Variants in IL1RAPL2 observed in about 807,000 individuals in gnomAD.
IL1RAPL2 encodes the protein X-linked interleukin-1 receptor accessory protein-like 2.
A neutral mutation model predicts 44.1 loss-of-function variants in IL1RAPL2; 3 were observed. The ratio of observed to expected loss-of-function variants is 0.07; its 90% confidence interval spans 0.03 to 0.18. The LOEUF is 0.18. IL1RAPL2 is among the 10% of genes least tolerant of loss of function. IL1RAPL2 has a pLI of 1.00. For missense variants in IL1RAPL2, 391 were observed against 496.4 expected (o/e 0.79, Z 2.02); for synonymous variants, 181 against 178.8 (o/e 1.01, Z -0.10).
intron 2 of IL1RAPL2, among the ~76,000 whole-genome samples, chrX:104,952,374 A>G (rs1194878495): frequency 2.7e-5 from 3 of 112,123 alleles, no homozygotes; most frequent in Middle Eastern, 4.6e-3. Context: ...TGCCTCAAGC[A>G]TCTATAGGTT....
intron 2 of IL1RAPL2, among the ~76,000 whole-genome samples, chrX:104,933,831 G>A (rs1275909793): frequency 1.8e-5 from 2 of 111,534 alleles, no homozygotes. Flanking sequence ...CTAAAACCCA[G>A]TTTGAGCTTA....
chrX:105,525,039 C>G (rs1425254494), intron 6 of IL1RAPL2, among the ~76,000 whole-genome samples: 1 of 111,282 alleles, frequency 9.0e-6, no homozygotes, highest in Non-Finnish European at 1.9e-5. Flanking sequence ...AGGATATTTT[C>G]TTGTTGCTGC....
At chrX:105,449,985 T>C in intron 5 of IL1RAPL2, among the ~76,000 whole-genome samples, 1 of 111,605 alleles carries the variant, frequency 9.0e-6, no homozygotes, top group Middle Eastern at 4.7e-3. Flanking sequence ...GTGCAGTGAG[T>C]TCCCCAAGGA....
chrX:105,699,366 C>T (rs1409497708), intron 6 of IL1RAPL2, among the ~76,000 whole-genome samples: 1 of 111,329 alleles, frequency 9.0e-6, no homozygotes, highest in Non-Finnish European at 1.9e-5. Flanking sequence ...TTATGAGAGC[C>T]TACTACGTGT....
At chrX:105,337,377 T>G (rs1329731561) in intron 5 of IL1RAPL2, among the ~76,000 whole-genome samples, 1 of 112,530 alleles carries the variant, frequency 8.9e-6, no homozygotes, top group Non-Finnish European at 1.9e-5. Flanking sequence ...AACCAGAGAA[T>G]AATTCACAGA....
At chrX:104,613,806 GTTTTTTTTTTTT>G in intron 1 of IL1RAPL2, among the ~76,000 whole-genome samples, 1 of 61,872 alleles carries the variant, frequency 1.6e-5, no homozygotes, top group South Asian at 1.0e-3. Flanking sequence ...TCCAGGGCAT[GTTTTTTTTTTTT>G]TTTTTTTTTG....
chrX:105,423,619 G>A (rs1225174759), intron 5 of IL1RAPL2, among the ~76,000 whole-genome samples: 1 of 111,378 alleles, frequency 9.0e-6, no homozygotes, highest in Non-Finnish European at 1.9e-5. Context: ...TGATCACTGA[G>A]CACTCTAATG....
chrX:104,794,647 C>G (rs1183246762), intron 2 of IL1RAPL2, among the ~76,000 whole-genome samples: 1 of 111,916 alleles, frequency 8.9e-6, no homozygotes, highest in Non-Finnish European at 1.9e-5. Context: ...AAAGAACAAG[C>G]TATGTTTTGA....
intron 6 of IL1RAPL2, among the ~76,000 whole-genome samples, chrX:105,685,716 T>A (rs376547073): frequency 3.6e-5 from 4 of 110,681 alleles, no homozygotes; most frequent in South Asian, 7.7e-4. Flanking sequence ...ACAAAGATAC[T>A]CCTCGAGAAG....
At chrX:105,750,441 TTTATTA>T (rs199583433) in intron 9 of IL1RAPL2, among the ~76,000 whole-genome samples, 245 of 91,564 alleles carry the variant, frequency 2.7e-3, no homozygotes, top group Admixed American at 3.6e-3. Context: ...GCCTGGCCAA[TTTATTA>T]TTATTATTAT....
chrX:104,738,969 C>T (rs940075205), intron 2 of IL1RAPL2, among the ~76,000 whole-genome samples: 1 of 111,479 alleles, frequency 9.0e-6, no homozygotes, highest in African/African-American at 3.3e-5. Flanking sequence ...GTGACAGTTC[C>T]ATTTGTCTGA....
At chrX:105,373,520 A>T (rs747003783) in intron 5 of IL1RAPL2, among the ~76,000 whole-genome samples, 1 of 111,588 alleles carries the variant, frequency 9.0e-6, no homozygotes, top group East Asian at 2.8e-4. Context: ...TCTTTAGTTT[A>T]ATTAGATCTC....
chrX:105,530,223 CTTG>C (rs2036623562), intron 6 of IL1RAPL2, among the ~76,000 whole-genome samples: 1 of 111,803 alleles, frequency 8.9e-6, no homozygotes, highest in South Asian at 3.7e-4. Flanking sequence ...CTCACAAATA[CTTG>C]TTATTTACTT....
At chrX:105,224,529 A>G (rs2033996850) in intron 3 of IL1RAPL2, among the ~76,000 whole-genome samples, 2 of 111,749 alleles carry the variant, frequency 1.8e-5, no homozygotes, top group African/African-American at 6.5e-5. Flanking sequence ...AGATCATGGA[A>G]GCATAGGATA....
chrX:104,585,367 A>AT, intron 1 of IL1RAPL2, among the ~76,000 whole-genome samples: 1 of 29,723 alleles, frequency 3.4e-5, no homozygotes, highest in African/African-American at 1.8e-4. Context: ...TATATTATAT[A>AT]TATTATATAT....
chrX:105,080,940 G>T (rs1223767813), intron 2 of IL1RAPL2, among the ~76,000 whole-genome samples: 1 of 111,408 alleles, frequency 9.0e-6, no homozygotes, highest in Non-Finnish European at 1.9e-5. Flanking sequence ...CACATCCCTT[G>T]TAAGTTGTAT....
chrX:105,233,604 T>TAA (rs1556198239), intron 3 of IL1RAPL2, among the ~76,000 whole-genome samples: 3 of 112,349 alleles, frequency 2.7e-5, no homozygotes, highest in Non-Finnish European at 5.6e-5. Context: ...TGTAGCTCTG[T>TAA]GGCTACCTCA....
chrX:105,167,136 A>G, intron 2 of IL1RAPL2, among the ~76,000 whole-genome samples: 1 of 112,050 alleles, frequency 8.9e-6, no homozygotes, highest in Non-Finnish European at 1.9e-5. Flanking sequence ...TGAACCTACA[A>G]TCAAGGAGTC....
At chrX:104,943,775 C>T (rs1364481531) in intron 2 of IL1RAPL2, among the ~76,000 whole-genome samples, 1 of 111,722 alleles carries the variant, frequency 9.0e-6, no homozygotes, top group Non-Finnish European at 1.9e-5. Context: ...ATAAAATTTA[C>T]TTACCTATCA....
Sources: allele counts gnomAD v4.1 joint callset (sites outside exome capture counted in the v4.1 genomes callset), GRCh38; gene constraint gnomAD v4.1.1; transcripts MANE v1.5; gene names NCBI Gene and HGNC (gene_info 2026-07-23, HGNC 2026-07-21).